The following GALNT13 variants were observed in gnomAD, a reference collection of about 807,000 sequenced individuals.
The protein encoded by GALNT13 is UDP-GalNAc:polypeptide N-acetylgalactosaminyltransferase 13.
A neutral mutation model predicts 64.2 loss-of-function variants in GALNT13; 28 were observed. The observed-to-expected ratio is 0.44, with a 90% confidence interval of 0.32 to 0.60. The LOEUF is 0.60. Ranked by LOEUF, GALNT13 falls within the 20% of genes least tolerant of loss-of-function variation. The probability of loss-of-function intolerance (pLI) is 0.05; values close to 1 mark genes in which losing one functional copy is unlikely to be tolerated. For missense variants in GALNT13, 577 were observed against 669.8 expected (o/e 0.86, Z 1.53); for synonymous variants, 214 against 224.6 (o/e 0.95, Z 0.42).
chr2:153,234,288 G>C, the GALNT13 span, among the ~76,000 whole-genome samples: 1 of 152,156 alleles, frequency 6.6e-6, no homozygotes, highest in Non-Finnish European at 1.5e-5. Context: ...CATGAGAAGA[G>C]TATGGATGAA....
At chr2:153,377,795 C>T in the GALNT13 span, among the ~76,000 whole-genome samples, 1 of 151,952 alleles carries the variant, frequency 6.6e-6, no homozygotes, top group Non-Finnish European at 1.5e-5. Context: ...ATACAGTGCC[C>T]AATAATTAAA....
At chr2:153,393,133 G>T in the GALNT13 span, among the ~76,000 whole-genome samples, 1 of 152,028 alleles carries the variant, frequency 6.6e-6, no homozygotes, top group Non-Finnish European at 1.5e-5. Context: ...TAATCATAAA[G>T]TTCACAGCTG....
chr2:154,186,230 A>T (rs1487133322), intron 4 of GALNT13, among the ~76,000 whole-genome samples: 1 of 152,102 alleles, frequency 6.6e-6, no homozygotes, highest in Non-Finnish European at 1.5e-5. Flanking sequence ...AGAAAATATT[A>T]GGCAAATTCC....
intron 3 of GALNT13, among the ~76,000 whole-genome samples, chr2:154,008,762 C>G (rs1463422283): frequency 6.6e-6 from 1 of 152,090 alleles, no homozygotes; most frequent in Non-Finnish European, 1.5e-5. Flanking sequence ...AGGACTTGAT[C>G]TCCTTCTTTT....
chr2:153,727,753 A>C, the GALNT13 span, among the ~76,000 whole-genome samples: 1 of 151,900 alleles, frequency 6.6e-6, no homozygotes, highest in Admixed American at 6.6e-5. Flanking sequence ...TTTTACTTTA[A>C]GTTCTGGGAT....
the GALNT13 span, among the ~76,000 whole-genome samples, chr2:153,581,253 G>A: frequency 6.6e-6 from 1 of 152,154 alleles, no homozygotes; most frequent in East Asian, 1.9e-4. Context: ...TCTTGACCCA[G>A]ACTCATTTGT....
the GALNT13 span, among the ~76,000 whole-genome samples, chr2:153,594,036 C>A: frequency 2.6e-5 from 4 of 152,110 alleles, no homozygotes; most frequent in Non-Finnish European, 4.4e-5. Context: ...TAATGACAGG[C>A]AATTTACATT....
intron 9 of GALNT13, among the ~76,000 whole-genome samples, chr2:154,317,933 T>C (rs1256247262): frequency 1.4e-5 from 2 of 144,874 alleles, no homozygotes; most frequent in Non-Finnish European, 3.0e-5. Context: ...TACCAAAATC[T>C]AAAAAAAAAA....
chr2:153,872,613 TGG>T (rs1457742248), intron 1 of GALNT13, among the ~76,000 whole-genome samples: 9,332 of 57,738 alleles, frequency 0.16, 1,006 homozygotes, highest in East Asian at 0.31. Flanking sequence ...GGTGAGTTGT[TGG>T]TGGCGGGGGG....
the GALNT13 span, among the ~76,000 whole-genome samples, chr2:153,619,887 T>TGATCTTTG: frequency 5.9e-5 from 9 of 152,068 alleles, no homozygotes; most frequent in African/African-American, 1.7e-4. Flanking sequence ...TAAAAATAGT[T>TGATCTTTG]GATCTTTGGG....
chr2:153,898,170 T>TTTTCTGTTTACATACAATCTGACA (rs1688003713), intron 1 of GALNT13, among the ~76,000 whole-genome samples: 1 of 152,146 alleles, frequency 6.6e-6, no homozygotes, highest in African/African-American at 2.4e-5. Flanking sequence ...TGGTGTCTAA[T>TTTTCTGTTTACATACAATCTGACA]TTTCTGTTTA....
At chr2:154,081,754 G>A (rs1373166269) in intron 3 of GALNT13, among the ~76,000 whole-genome samples, 1 of 151,688 alleles carries the variant, frequency 6.6e-6, no homozygotes, top group Non-Finnish European at 1.5e-5. Context: ...ATTGTCAAAT[G>A]ACCGTTGATT....
chr2:153,748,449 T>C, the GALNT13 span, among the ~76,000 whole-genome samples: 1 of 152,272 alleles, frequency 6.6e-6, no homozygotes, highest in South Asian at 2.1e-4. Flanking sequence ...TGTTATTGTC[T>C]GTCTTTTGGA....
chr2:153,660,417 C>G, the GALNT13 span, among the ~76,000 whole-genome samples: 1 of 151,900 alleles, frequency 6.6e-6, no homozygotes, highest in Non-Finnish European at 1.5e-5. Flanking sequence ...ATATAATGGG[C>G]AGCCATTGAA....
At chr2:154,049,227 A>G (rs1160772193) in intron 3 of GALNT13, among the ~76,000 whole-genome samples, 1 of 151,842 alleles carries the variant, frequency 6.6e-6, no homozygotes, top group African/African-American at 2.4e-5. Flanking sequence ...GGCTGAAAGT[A>G]CATTTTGCGG....
At chr2:153,720,175 T>C in the GALNT13 span, among the ~76,000 whole-genome samples, 15 of 145,962 alleles carry the variant, frequency 1.0e-4, no homozygotes, top group African/African-American at 3.6e-4. Flanking sequence ...GCAGCCTAAC[T>C]GGGAGGCACC....
chr2:153,225,377 T>C, the GALNT13 span, among the ~76,000 whole-genome samples: 4,626 of 152,282 alleles, frequency 0.03, 89 homozygotes, highest in Non-Finnish European at 0.045. Flanking sequence ...TGCCTACAGA[T>C]AATATCGCAT....
chr2:154,372,477 T>A (rs1366057034), intron 9 of GALNT13, among the ~76,000 whole-genome samples: 1 of 152,118 alleles, frequency 6.6e-6, no homozygotes, highest in African/African-American at 2.4e-5. Flanking sequence ...ACAAATGCAT[T>A]CATGCCAATG....
chr2:154,096,368 G>T (rs984175887), intron 3 of GALNT13, among the ~76,000 whole-genome samples: 2 of 151,988 alleles, frequency 1.3e-5, no homozygotes, highest in Non-Finnish European at 1.5e-5. Flanking sequence ...ACCAGAAGAG[G>T]TTCTTAAGAG....
Sources: allele counts gnomAD v4.1 joint callset (sites outside exome capture counted in the v4.1 genomes callset), GRCh38; gene constraint gnomAD v4.1.1; transcripts MANE v1.5; gene names NCBI Gene and HGNC (gene_info 2026-07-23, HGNC 2026-07-21).